The following TTC16 variants were observed in gnomAD, a reference collection of about 807,000 sequenced individuals.
The protein encoded by TTC16 is tetratricopeptide repeat protein 16.
In TTC16, 66 loss-of-function variants were observed where a neutral mutation model predicts 80.4. That is an observed-to-expected ratio of 0.82 (90% CI 0.67 to 1.01). TTC16 has a LOEUF of 1.01. Among genes scored for constraint, TTC16 ranks in the 50% least tolerant of loss-of-function variants. TTC16 has a pLI of 0.00. For synonymous variants in TTC16, 438 were observed against 451.3 expected (o/e 0.97, Z 0.37); for missense variants, 1,070 against 1,103.2 (o/e 0.97, Z 0.43).
At chr9:127,726,435 T>TCC (rs749627265) in intron 10 of TTC16, 31 bp downstream of exon 10, 1 of 1,528,980 alleles carries the variant, frequency 6.5e-7, no homozygotes, top group Admixed American at 2.0e-5. Flanking sequence ...GAGTGTAGGC[T>TCC]CCGGAGTCAT....
intron 10 of TTC16, 84 bp from the exon 11 acceptor site, chr9:127,726,886 G>GGCTGT (rs1318418708): frequency 3.2e-6 from 5 of 1,551,156 alleles, no homozygotes; most frequent in Middle Eastern, 1.7e-4. Flanking sequence ...GGCCAAATCT[G>GGCTGT]GCTGTGCAGG....
rs770275660 is a variant in TTC16, at chr9:127,723,222, C to A, written c.761C>A (p.Ala254Glu). ...LQKMVAQAQQ[A>E]RQDAGILAVQ... ...AAGATGGTGGCCCAGGCCCAGCAGGCGCGCCAAGATGCGGGGATCCTGGCT... is the reference window on the plus strand; with the variant it reads ...AAGATGGTGGCCCAGGCCCAGCAGGAGCGCCAAGATGCGGGGATCCTGGCT... Residue 254 changes from alanine (A) to glutamate (E), a missense_variant, in exon 7 of 14, where the codon GCG (alanine) becomes GAG (glutamate). By Grantham distance (107) the Ala-to-Glu change is moderately radical. Coordinates refer to ENST00000373289, the MANE Select transcript of TTC16 (RefSeq NM_144965.3). 1 of 1,612,740 alleles carries A rather than the reference C, an allele frequency of 6.2e-7. No individual in the cohort carries two copies. Among genetic ancestry groups the A allele is most frequent in the Non-Finnish European group, 8.5e-7 (1 of 1,180,044 alleles).
In TTC16 at chr9:127,730,628, C is replaced by T. The variant is rs778547875; in HGVS notation, c.1853-8C>T. 3 of 1,610,378 alleles carry T rather than the reference C, an allele frequency of 1.9e-6. No individual in the cohort carries two copies. The highest frequency in any genetic ancestry group is 2.2e-5 in the East Asian group (1 of 44,868). ...GCCTGATGGGTGCTTTTGGCACCCCCTTCCTAGTCAGGACCACAGGCACCT... is the reference window on the plus strand; with the variant it reads ...GCCTGATGGGTGCTTTTGGCACCCCTTTCCTAGTCAGGACCACAGGCACCT... On this transcript the variant is annotated splice_region_variant and splice_polypyrimidine_tract_variant and intron_variant, in intron 13 of 13. Coordinates refer to ENST00000373289, the MANE Select transcript of TTC16 (RefSeq NM_144965.3).
At chr9:127,730,550 G>A in intron 13 of TTC16, 86 bp from the exon 14 acceptor site, 1 of 1,537,040 alleles carries the variant, frequency 6.5e-7, no homozygotes, top group South Asian at 1.2e-5. Flanking sequence ...CCACAGGCCA[G>A]TGTGAGATTG....
chr9:127,724,973 C>T (rs1843816006), intron 9 of TTC16, 76 bp downstream of exon 9: 2 of 1,418,496 alleles, frequency 1.4e-6, no homozygotes, highest in African/African-American at 2.9e-5. Context: ...CTGCTGGGAT[C>T]CCTGGGTCAA....
chr9:127,726,716 A>T (rs1163945375), intron 10 of TTC16, among the ~76,000 whole-genome samples: 1 of 143,116 alleles, frequency 7.0e-6, no homozygotes, highest in Non-Finnish European at 1.5e-5. Flanking sequence ...TCGACCCGGG[A>T]GGCAGAGGTT....
In TTC16 at chr9:127,722,345, C is replaced by T. The variant is rs1422408873; in HGVS notation, c.658-774C>T. ...CCTGGCTGAGCTGCGCCTTCCTCCT[C>T]CTAGTGGAAGGGACTTGCTGGGGGA... On this transcript the variant is annotated intron_variant, in intron 6 of 13. Transcript: ENST00000373289. This position sits in a 1 kb window ranked among gnomAD's most constrained non-coding sequence, Gnocchi z 4.2. 3.3e-5 allele frequency among the ~76,000 whole-genome samples: 5 copies of T among 152,192 alleles called. No homozygotes were observed. The highest frequency in any genetic ancestry group is 7.3e-5 in the Non-Finnish European group (5 of 68,036).
chr9:127,730,417 G>A (rs1844316323), intron 13 of TTC16: 1 of 629,160 alleles, frequency 1.6e-6, no homozygotes, highest in East Asian at 2.8e-5. Flanking sequence ...GCCTGGGACT[G>A]GGAGAAGGGG....
chr9:127,724,862 G>T lies in TTC16; in HGVS notation c.1224G>T (p.Leu408=). ...GCGCCAACACGCGCATGGGCCTGCT[G>T]CAGGAGAAGATGGGCTTCTGCGAGC... is the stretch of plus-strand genomic sequence containing the variant. ...DEGANTRMGL[L]QEKMGFCEQR... Residue 408 remains leucine, a synonymous_variant, in exon 9 of 14, where the codon CTG becomes CTT. Transcript: ENST00000373289. 6.3e-7 allele frequency: 1 copy of T among 1,580,512 alleles called. No individual in the cohort carries two copies. Among genetic ancestry groups the T allele is most frequent in the Non-Finnish European group, 8.6e-7 (1 of 1,165,538 alleles).
At position 127,726,330 on chromosome 9, in the gene TTC16, C is replaced by A. The variant is rs756434948; in HGVS notation, c.1351C>A (p.Gln451Lys). Residue 451 changes from glutamine to lysine, a missense_variant, in exon 10 of 14, where the codon CAG becomes AAG. By Grantham distance (53) the Gln-to-Lys change is moderately conservative. Coordinates refer to ENST00000373289, the MANE Select transcript of TTC16 (RefSeq NM_144965.3). ...CTACCTGTACCGGGCCAAGAGCCGG[C>A]AGCTGCTGCAGAACATTTTTGGGGC... The part of the protein sequence containing the change: ...QYYLYRAKSR[Q>K]LLQNIFGARQ... The A allele has an allele frequency of 6.2e-7, 1 of 1,612,328 alleles. No individual in the cohort carries two copies. The highest frequency in any genetic ancestry group is 8.5e-7 in the Non-Finnish European group (1 of 1,179,422).
chr9:127,717,099 C>T, intron 2 of TTC16, 83 bp downstream of exon 2: 2 of 1,529,722 alleles, frequency 1.3e-6, no homozygotes, highest in Non-Finnish European at 1.8e-6. Context: ...GCCACTTACT[C>T]TCTTCAGGCC....
In TTC16 at chr9:127,731,571, TA is replaced by T. The variant is rs1437484407; in HGVS notation, c.*171del. On this transcript the variant is annotated 3_prime_UTR_variant, in exon 14 of 14. Transcript: ENST00000373289. ...TTATACTTGTTTTCTTTTACAAAATTAAAAACATCTAAAACCAGGCCCAAGT... is the reference window on the plus strand; with the variant it reads ...TTATACTTGTTTTCTTTTACAAAATTAAAACATCTAAAACCAGGCCCAAGT... 7.9e-6 allele frequency: 11 copies of T among 1,392,070 alleles called. No homozygotes were observed. In the Admixed American group the frequency reaches 1.2e-4, roughly 15 times the overall value. The allele number at this position is 1,392,070 out of a possible 1,614,324, so 86.2% of individuals were successfully genotyped here.
chr9:127,730,797 A>C lies in TTC16; in HGVS notation c.2014A>C (p.Ile672Leu), dbSNP rs1844353523. Reference protein sequence around the residue: ...REALSHGPRKIKATQGQRQSL... With the variant: ...REALSHGPRKLKATQGQRQSL... The stretch of plus-strand genomic sequence containing the variant: ...GGCACTAAGCCATGGTCCCAGAAAA[A>C]TCAAGGCCACCCAGGGCCAGAGGCA... Residue 672 changes from isoleucine (I) to leucine (L), a missense_variant, in exon 14 of 14, where the codon ATC becomes CTC. Physicochemically the swap from Ile to Leu is conservative, Grantham distance 5. Coordinates refer to ENST00000373289, the MANE Select transcript of TTC16 (RefSeq NM_144965.3). 6.2e-7 allele frequency: 1 copy of C among 1,613,716 alleles called. No individual in the cohort carries two copies. The highest frequency in any genetic ancestry group is 1.3e-5 in the African/African-American group (1 of 74,954).
rs143114191 is a variant in TTC16 at position 127,718,867 on chromosome 9, C to T, written c.426+1095C>T. 4.6e-3 allele frequency among the ~76,000 whole-genome samples: 690 copies of T among 149,598 alleles called. 5 individuals carry two copies. The highest frequency in any genetic ancestry group is 0.016 in the African/African-American group (676 of 41,004). The stretch of plus-strand genomic sequence containing the variant: ...TCGGCCTCCCAAAGTGCTGGGATTA[C>T]AGGTGTGAGCTACTGCGCCTGGGCT... On this transcript the variant is annotated intron_variant, in intron 4 of 13. Transcript: ENST00000373289. This position sits in a 1 kb window ranked among gnomAD's most constrained non-coding sequence, Gnocchi z 4.6.
rs1276486804 is a variant in TTC16 at position 127,716,947 on chromosome 9, T to A, written c.122T>A (p.Val41Glu). Residue 41 changes from valine (V) to glutamate (E), a missense_variant, in exon 2 of 14, where the codon GTG (valine) becomes GAG (glutamate). Transcript: ENST00000373289. ...ILQHIFGTSH[V>E]FQSICDVKPK... ...CAGCACATCTTTGGGACCAGCCACG[T>A]GTTCCAAAGCATCTGTGATGTAAAA... 1 of 1,614,048 alleles carries A rather than the reference T, an allele frequency of 6.2e-7. No individual in the cohort carries two copies. Among genetic ancestry groups the A allele is most frequent in the Non-Finnish European group, 8.5e-7 (1 of 1,180,022 alleles).
chr9:127,720,525 C>A, intron 6 of TTC16, 130 bp downstream of exon 6: 1 of 1,233,630 alleles, frequency 8.1e-7, no homozygotes, highest in Non-Finnish European at 1.1e-6. Context: ...TGGGTGCTGT[C>A]CTCCCTGGGA....
intron 7 of TTC16, among the ~76,000 whole-genome samples, chr9:127,723,721 T>G (rs1158266095): frequency 6.6e-6 from 1 of 152,106 alleles, no homozygotes; most frequent in African/African-American, 2.4e-5. Flanking sequence ...ACCCAGCCAA[T>G]CTCTCCCTAT....
At chr9:127,719,983 A>G (rs1843321869) in intron 4 of TTC16, 95 bp from the exon 5 acceptor site, 2 of 1,035,082 alleles carry the variant, frequency 1.9e-6, no homozygotes, top group Non-Finnish European at 3.0e-6. Flanking sequence ...TTGTCTTTGT[A>G]TCTCTCCCTC....
chr9:127,729,218 G>T (rs757010094), intron 12 of TTC16: 1 of 197,478 alleles, frequency 5.1e-6, no homozygotes, highest in Non-Finnish European at 1.1e-5. Context: ...GAATGGATGG[G>T]GGTAAAGCCT....
Sources: allele counts gnomAD v4.1 joint callset (sites outside exome capture counted in the v4.1 genomes callset), GRCh38; gene constraint gnomAD v4.1.1; non-coding constraint Gnocchi (gnomAD v3.1); transcripts MANE v1.5; gene names NCBI Gene and HGNC (gene_info 2026-07-23, HGNC 2026-07-21).